AKR1C3: variants seen among roughly 807,000 people sequenced by gnomAD.
The protein encoded by AKR1C3 is aldo-keto reductase family 1 member C3, also known as 3-alpha hydroxysteroid dehydrogenase, type II.
AKR1C3 carries 48 observed loss-of-function variants against 43.6 expected under a neutral mutation model. The observed-to-expected ratio is 1.10, with a 90% CI of 0.87 to 1.40. AKR1C3 has a LOEUF of 1.40. Ranked by LOEUF, AKR1C3 falls within the 40% of genes most tolerant of loss-of-function variation. The probability of loss-of-function intolerance (pLI) is 0.00; values close to 1 mark genes in which losing one functional copy is unlikely to be tolerated. For missense variants in AKR1C3, 482 were observed against 391.2 expected (o/e 1.23, Z -1.96); for synonymous variants, 162 against 139.6 (o/e 1.16, Z -1.13).
chr10:5,068,156 G>T (rs1370075293), intron 1 of AKR1C3, among the ~76,000 whole-genome samples: 2 of 150,984 alleles, frequency 1.3e-5, no homozygotes, highest in African/African-American at 4.9e-5. Context: ...TATTTCTATG[G>T]TTTATAGTAA....
At chr10:5,052,589 G>A (rs1329170234) in intron 1 of AKR1C3, among the ~76,000 whole-genome samples, 1 of 151,588 alleles carries the variant, frequency 6.6e-6, no homozygotes, top group African/African-American at 2.4e-5. Context: ...TAGCTAGAGT[G>A]TCGATTGGTA....
At chr10:5,083,954 G>C (rs1217511995) in intron 1 of AKR1C3, among the ~76,000 whole-genome samples, 1 of 152,126 alleles carries the variant, frequency 6.6e-6, no homozygotes, top group Admixed American at 6.5e-5. Flanking sequence ...ATTTGTTTGA[G>C]TTCATTGTAG....
In AKR1C3 at chr10:5,052,607, A is replaced by G. The variant is rs114823776; in HGVS notation, c.84+3712A>G. On this transcript the variant is annotated intron_variant, in intron 1 of 8. Coordinates refer to the AKR1C3 transcript ENST00000439082. ...CTAGAGTGTCGATTGGTACATTCAC[A>G]AAACCTGAGCTAGACACACGGTGCT... is the stretch of plus-strand genomic sequence containing the variant. Among the ~76,000 whole-genome samples, 569 of 152,208 alleles carry G rather than the reference A, an allele frequency of 3.7e-3. 4 individuals are homozygous for G. The highest frequency in any genetic ancestry group is 0.013 in the African/African-American group (544 of 41,518).
intron 7 of AKR1C3, among the ~76,000 whole-genome samples, chr10:5,104,360 C>T (rs1336079843): frequency 1.3e-5 from 2 of 148,382 alleles, no homozygotes; most frequent in African/African-American, 5.0e-5. Context: ...TATTGAAAAG[C>T]ATTCACATTT....
chr10:5,098,711 G>C (rs782009912), intron 3 of AKR1C3, 91 bp from the exon 4 acceptor site: 2 of 958,770 alleles, frequency 2.1e-6, no homozygotes, highest in Non-Finnish European at 3.3e-6. Flanking sequence ...CTGTCTCATG[G>C]AGGATTAGTG....
chr10:5,060,542 G>A (rs1233900619), intron 1 of AKR1C3, among the ~76,000 whole-genome samples: 1 of 152,206 alleles, frequency 6.6e-6, no homozygotes, highest in Non-Finnish European at 1.5e-5. Context: ...GATACAGAGT[G>A]CCAATTGGTG....
chr10:5,053,266 G>A (rs1310273389), intron 1 of AKR1C3, among the ~76,000 whole-genome samples: 2 of 152,258 alleles, frequency 1.3e-5, no homozygotes, highest in Admixed American at 1.3e-4. Flanking sequence ...GGCATGGTGG[G>A]CTGCAGGTCC....
At chr10:5,094,260 C>G (rs561047642), upstream of AKR1C3, 139 of 433,882 alleles carry the variant, frequency 3.2e-4, 1 homozygote, top group African/African-American at 2.8e-3. Context: ...TGATAAGAAA[C>G]AAATGAACTG....
At chr10:5,099,653 A>C (rs782773111) in intron 5 of AKR1C3, 5 of 884,738 alleles carry the variant, frequency 5.7e-6, no homozygotes, top group Non-Finnish European at 8.4e-6. Flanking sequence ...AATGAGTTTA[A>C]TGCTGAATCG....
chr10:5,097,609 T>C, intron 3 of AKR1C3, 59 bp downstream of exon 3: 1 of 1,609,934 alleles, frequency 6.2e-7, no homozygotes, highest in South Asian at 1.1e-5. Flanking sequence ...ACATTGTTTA[T>C]CTGGATAGTT....
chr10:5,063,870 G>A (rs1838438037), intron 1 of AKR1C3, among the ~76,000 whole-genome samples: 2 of 150,082 alleles, frequency 1.3e-5, no homozygotes, highest in South Asian at 4.2e-4. Context: ...TTCTGAGAAA[G>A]GCTCTGTGAG....
chr10:5,061,151 G>T (rs1175988189), intron 1 of AKR1C3, among the ~76,000 whole-genome samples: 1 of 152,200 alleles, frequency 6.6e-6, no homozygotes, highest in Non-Finnish European at 1.5e-5. Flanking sequence ...CAAGGCCAAG[G>T]AGGCACCGAG....
chr10:5,073,531 C>A (rs1838652601), intron 1 of AKR1C3, among the ~76,000 whole-genome samples: 1 of 152,134 alleles, frequency 6.6e-6, no homozygotes, highest in South Asian at 2.1e-4. Flanking sequence ...CTGTCCTGAG[C>A]ACATGGACCC....
At chr10:5,088,532 A>G (rs1937904) in intron 1 of AKR1C3, among the ~76,000 whole-genome samples, 68,951 of 151,456 alleles carry the variant, frequency 0.46, 16,584 homozygotes, top group East Asian at 0.86. Context: ...TATATTTAGG[A>G]TGGTTAAATC....
chr10:5,067,581 C>T (rs1838534381), intron 1 of AKR1C3, among the ~76,000 whole-genome samples: 1 of 151,394 alleles, frequency 6.6e-6, no homozygotes, highest in Admixed American at 6.7e-5. Context: ...GTTATAACAC[C>T]AGCCCTCTTG....
intron 3 of AKR1C3, among the ~76,000 whole-genome samples, chr10:5,098,338 C>T (rs974004777): frequency 2.0e-5 from 3 of 152,158 alleles, no homozygotes; most frequent in Non-Finnish European, 2.9e-5. Context: ...ATGGTCATCA[C>T]CATAAGACAA....
At chr10:5,089,778 A>AT (rs1390707657), upstream of AKR1C3, among the ~76,000 whole-genome samples, 1 of 152,076 alleles carries the variant, frequency 6.6e-6, no homozygotes, top group Non-Finnish European at 1.5e-5. Context: ...ACTTAGTGTA[A>AT]TTTTTTGACA....
rs1284319208 is a variant in AKR1C3, at chr10:5,096,518, A to G, written c.193A>G (p.Ile65Val). 5.0e-6 allele frequency: 8 copies of G among 1,613,790 alleles called. No homozygotes were observed. Among genetic ancestry groups the G allele is most frequent in the Admixed American group, 1.7e-5 (1 of 59,990 alleles). Residue 65 changes from isoleucine (I) to valine (V), a missense_variant, in exon 2 of 9, where the codon ATC (isoleucine) becomes GTC (valine). Ile to Val is a conservative substitution (Grantham distance 29). Transcript: ENST00000380554. ...YNNEEQVGLA[I>V]RSKIADGSVK... Reference sequence around the variant, plus strand: ...TAATGAGGAGCAGGTTGGACTGGCCATCCGAAGCAAGATTGCAGATGGCAG... The same window carrying G: ...TAATGAGGAGCAGGTTGGACTGGCCGTCCGAAGCAAGATTGCAGATGGCAG...
intron 2 of AKR1C3, 152 bp downstream of exon 2, chr10:5,096,729 A>G (rs1839216585): frequency 2.2e-6 from 3 of 1,343,068 alleles, no homozygotes; most frequent in South Asian, 1.8e-5. Flanking sequence ...TGAAATCAAA[A>G]TCAAGGAATG....
Sources: allele counts gnomAD v4.1 joint callset (sites outside exome capture counted in the v4.1 genomes callset), GRCh38; gene constraint gnomAD v4.1.1; transcripts MANE v1.5; gene names NCBI Gene and HGNC (gene_info 2026-07-23, HGNC 2026-07-21).